ROBO1: variants seen among roughly 807,000 people sequenced by gnomAD.
ROBO1 encodes the protein roundabout guidance receptor 1.
Under a neutral mutation model 195.9 loss-of-function variants are expected in ROBO1, and 149 were observed. The ratio of observed to expected loss-of-function variants is 0.76; its 90% CI spans 0.67 to 0.87. The LOEUF is 0.87. ROBO1 is among the 40% of genes least tolerant of loss of function. The pLI, the probability that ROBO1 is intolerant of heterozygous loss-of-function variation, is 0.00. For missense variants in ROBO1, 1,933 were observed against 2,068.3 expected, an observed-to-expected ratio of 0.93 and a Z score of 1.27; for synonymous variants, 816 against 733.2, an observed-to-expected ratio of 1.11 and a Z score of -1.82.
At chr3:78,901,003 G>A (rs547470596) in intron 4 of ROBO1, among the ~76,000 whole-genome samples, 2 of 151,886 alleles carry the variant, frequency 1.3e-5, no homozygotes, top group Non-Finnish European at 2.9e-5. Context: ...AACAGCCTCA[G>A]TACAGAGAGA....
At chr3:79,553,000 TC>T (rs1427036310) in intron 2 of ROBO1, among the ~76,000 whole-genome samples, 1 of 152,078 alleles carries the variant, frequency 6.6e-6, no homozygotes, top group African/African-American at 2.4e-5. Flanking sequence ...GCATTATTTT[TC>T]TAACCTCTAT....
rs1222750339 is a variant in ROBO1, at chr3:78,904,697, T to C, written c.499+33904A>G. ...ATGTATATGTATACGTATACATATG[T>C]ATATATGTATATATATATGTATATG... On this transcript the variant is annotated intron_variant, in intron 4 of 30. Transcript: ENST00000464233. 1.1e-4 allele frequency among the ~76,000 whole-genome samples: 16 copies of C among 139,304 alleles called. 1 individual carries two copies. The East Asian group carries it at 1.8e-3, about 15-fold the overall frequency. The allele number at this position is 139,304 out of a possible 152,430, so 91.4% of individuals were successfully genotyped here. A position where few individuals can be genotyped will look rare whatever the true frequency, so the allele number is the denominator to read the frequency against.
intron 2 of ROBO1, among the ~76,000 whole-genome samples, chr3:79,357,059 A>T (rs1018281727): frequency 6.6e-6 from 1 of 152,166 alleles, no homozygotes; most frequent in Non-Finnish European, 1.5e-5. Flanking sequence ...GAATCATTAC[A>T]TTTATCTTTA....
intron 2 of ROBO1, among the ~76,000 whole-genome samples, chr3:79,406,586 G>A (rs1465207451): frequency 6.6e-6 from 1 of 151,168 alleles, no homozygotes; most frequent in Non-Finnish European, 1.5e-5. Flanking sequence ...ATGTGTGTGT[G>A]GTGTGTGTGT....
chr3:78,994,876 C>A (rs1452717596), intron 3 of ROBO1, among the ~76,000 whole-genome samples: 1 of 152,078 alleles, frequency 6.6e-6, no homozygotes, highest in Non-Finnish European at 1.5e-5. Flanking sequence ...AATGACCTAC[C>A]ATTTAATGGG....
At chr3:78,876,901 A>G (rs909941155) in intron 4 of ROBO1, among the ~76,000 whole-genome samples, 3 of 152,158 alleles carry the variant, frequency 2.0e-5, no homozygotes, top group African/African-American at 4.8e-5. Context: ...TGAACTATTA[A>G]GACCCTTTAT....
intron 3 of ROBO1, among the ~76,000 whole-genome samples, chr3:79,042,880 T>G (rs1472633400): frequency 6.6e-6 from 1 of 152,172 alleles, no homozygotes; most frequent in Non-Finnish European, 1.5e-5. Context: ...AGCTCCATTT[T>G]ACTGCCAAAT....
chr3:78,598,269 C>CAA lies in ROBO1; in HGVS notation c.*642_*643dup, dbSNP rs1441936637. 1 of 152,256 alleles carries CAA rather than the reference C, an allele frequency of 6.6e-6. No individual in the cohort carries two copies. Among genetic ancestry groups the CAA allele is most frequent in the Non-Finnish European group, 1.5e-5 (1 of 68,016 alleles). 9.4% of individuals were successfully genotyped at this position (152,256 alleles called of 1,614,324 possible). On this transcript the variant is annotated 3_prime_UTR_variant, in exon 31 of 31. Transcript: ENST00000464233. The stretch of plus-strand genomic sequence containing the variant: ...GTACATTTCCAATAAGAATATACTT[C>CAA]AATGATTGAAATGAAGCCAAAATAA...
At chr3:78,847,097 C>A (rs1406970398) in intron 4 of ROBO1, among the ~76,000 whole-genome samples, 1 of 152,064 alleles carries the variant, frequency 6.6e-6, no homozygotes, top group Admixed American at 6.6e-5. Context: ...TTAATCAAAT[C>A]TAGGCTCCAG....
intron 4 of ROBO1, among the ~76,000 whole-genome samples, chr3:78,908,043 A>G (rs955317359): frequency 8.6e-5 from 13 of 152,004 alleles, no homozygotes; most frequent in African/African-American, 3.1e-4. Context: ...ATAAAAAACA[A>G]AATAATTATA....
intron 3 of ROBO1, among the ~76,000 whole-genome samples, chr3:78,950,211 C>A (rs368047945): frequency 1.3e-5 from 2 of 152,126 alleles, no homozygotes; most frequent in South Asian, 2.1e-4. Context: ...CACATGCACA[C>A]GTATGTTTAC....
At position 79,059,606 on chromosome 3, in the gene ROBO1, G is replaced by A. The variant is rs551520528; in HGVS notation, c.172+65850C>T. Among the ~76,000 whole-genome samples, 3 of 152,184 alleles carry A rather than the reference G, an allele frequency of 2.0e-5. No homozygotes were observed. The South Asian group carries it at 6.2e-4, about 32-fold the overall frequency. ...GTGAAGATTTCATGGACATTCATTA[G>A]TTCCCCCAAATTAATACTTTTATAA... On this transcript the variant is annotated intron_variant, in intron 3 of 30. Transcript: ENST00000464233.
Position 78,635,767 on chromosome 3 carries a change from C to T in ROBO1, c.3373+6G>A. ...AACAGATGGGAATACATGCAAGCCT[C>T]TTCACCTTTGTTCAGCTTGTTTTGC... On this transcript the variant is annotated splice_donor_region_variant and intron_variant, in intron 23 of 30. Coordinates refer to ENST00000464233, the MANE Select transcript of ROBO1 (RefSeq NM_002941.4). 3.7e-6 allele frequency: 6 copies of T among 1,612,276 alleles called. No homozygotes were observed. The highest frequency in any genetic ancestry group is 5.1e-6 in the Non-Finnish European group (6 of 1,178,626).
intron 4 of ROBO1, among the ~76,000 whole-genome samples, chr3:78,928,843 C>A (rs113111191): frequency 0.015 from 2,238 of 152,176 alleles, 67 homozygotes; most frequent in African/African-American, 0.048. Context: ...GGCTCTTAAT[C>A]CATTTTTCTG....
chr3:78,913,916 A>T (rs1237616775), intron 4 of ROBO1, among the ~76,000 whole-genome samples: 2 of 152,198 alleles, frequency 1.3e-5, no homozygotes, highest in Non-Finnish European at 2.9e-5. Context: ...AGAGACCAAG[A>T]AAACTTCACG....
intron 4 of ROBO1, among the ~76,000 whole-genome samples, chr3:78,754,586 A>G (rs1360683073): frequency 6.6e-6 from 1 of 152,186 alleles, no homozygotes; most frequent in Non-Finnish European, 1.5e-5. Context: ...AACATCCAAG[A>G]CACAGGAGGT....
chr3:79,020,548 C>T lies in ROBO1; in HGVS notation c.173-81621G>A, dbSNP rs139675921. ...CTCTACTAAAAATTCAAAAATTAGCCGGGCGTGGTGGCGTTCGCCTGTAGC... is the reference window on the plus strand; with the variant it reads ...CTCTACTAAAAATTCAAAAATTAGCTGGGCGTGGTGGCGTTCGCCTGTAGC... On this transcript the variant is annotated intron_variant, in intron 3 of 30. Transcript: ENST00000464233. 7.1e-4 allele frequency among the ~76,000 whole-genome samples: 108 copies of T among 152,164 alleles called. 1 individual carries two copies. The East Asian group carries it at 0.019, about 27-fold the overall frequency.
At chr3:79,665,034 A>G (rs572072761) in intron 1 of ROBO1, among the ~76,000 whole-genome samples, 108 of 152,060 alleles carry the variant, frequency 7.1e-4, no homozygotes, top group African/African-American at 2.5e-3. Flanking sequence ...ATAACGAGAA[A>G]TGATGCAGTT....
intron 4 of ROBO1, 33 bp downstream of exon 4, chr3:78,938,568 C>T (rs1440978941): frequency 1.3e-6 from 2 of 1,562,856 alleles, no homozygotes; most frequent in East Asian, 2.3e-5. Flanking sequence ...CTGCCACTCC[C>T]TCTGCCAAAC....
Sources: allele counts gnomAD v4.1 joint callset (sites outside exome capture counted in the v4.1 genomes callset), GRCh38; gene constraint gnomAD v4.1.1; transcripts MANE v1.5; gene names NCBI Gene and HGNC (gene_info 2026-07-23, HGNC 2026-07-21).